The following GABRR3 variants were observed in gnomAD, a reference collection of about 807,000 sequenced individuals.
GABRR3 encodes the protein gamma-aminobutyric acid type A receptor subunit rho3, also known as gamma-aminobutyric acid receptor subunit rho-3.
GABRR3 carries 29 observed loss-of-function variants against 43.2 expected under a neutral mutation model. The observed-to-expected ratio is 0.67, with a 90% CI of 0.50 to 0.92. GABRR3 has a LOEUF of 0.92. Ranked by LOEUF, GABRR3 falls within the 40% of genes least tolerant of loss-of-function variation. The pLI is 0.00. For missense variants in GABRR3, 576 were observed against 572.3 expected, an observed-to-expected ratio of 1.01 and a Z score of -0.07; for synonymous variants, 206 against 195.9, an observed-to-expected ratio of 1.05 and a Z score of -0.43.
intron 2 of GABRR3, among the ~76,000 whole-genome samples, chr3:98,028,166 C>T (rs1707046045): frequency 1.3e-5 from 2 of 152,090 alleles, no homozygotes; most frequent in South Asian, 4.1e-4. Flanking sequence ...GATTCACTTT[C>T]TCCAATTATT....
exon 8 of GABRR3, chr3:98,001,616 C>T: frequency 6.2e-7 from 1 of 1,612,778 alleles, no homozygotes; most frequent in South Asian, 1.1e-5. Flanking sequence ...AAGATTTACC[C>T]AGGGAAACTC....
intron 9 of GABRR3, among the ~76,000 whole-genome samples, chr3:97,987,358 G>A (rs1358031930): frequency 1.3e-5 from 2 of 152,110 alleles, no homozygotes; most frequent in Non-Finnish European, 2.9e-5. Context: ...TTTTTCTGAA[G>A]GAGCAAATTA....
At chr3:98,026,617 A>ATTAGCATCATCATCG (rs1707021741) in intron 2 of GABRR3, among the ~76,000 whole-genome samples, 1 of 151,278 alleles carries the variant, frequency 6.6e-6, no homozygotes, top group African/African-American at 2.4e-5. Flanking sequence ...CATCATCATC[A>ATTAGCATCATCATCG]TCATCATCAT....
chr3:98,007,923 A>T lies in GABRR3; in HGVS notation c.614-19T>A. On this transcript the variant is annotated intron_variant, in intron 6 of 9. Transcript: ENST00000621172. ...TAGGCATCTAAAACATGAAAATATCAGTCTTGTAAGTGTAATAAGCTCTTG... is the reference window on the plus strand; with the variant it reads ...TAGGCATCTAAAACATGAAAATATCTGTCTTGTAAGTGTAATAAGCTCTTG... 1.3e-6 allele frequency: 2 copies of T among 1,537,306 alleles called. No homozygotes were observed. The highest frequency in any genetic ancestry group is 2.1e-5 in the Admixed American group (1 of 46,756).
downstream of GABRR3, among the ~76,000 whole-genome samples, chr3:97,985,440 T>G (rs1385326346): frequency 1.3e-5 from 2 of 152,212 alleles, no homozygotes; most frequent in Admixed American, 1.3e-4. Flanking sequence ...AGAGTCCACA[T>G]CCCTTTGGAG....
At chr3:97,990,249 G>T (rs1706446125) in intron 9 of GABRR3, among the ~76,000 whole-genome samples, 1 of 152,104 alleles carries the variant, frequency 6.6e-6, no homozygotes, top group Admixed American at 6.5e-5. Context: ...ACATGGGGAA[G>T]AAATGACACC....
At chr3:98,006,842 T>C (rs1706728736) in intron 7 of GABRR3, among the ~76,000 whole-genome samples, 1 of 152,184 alleles carries the variant, frequency 6.6e-6, no homozygotes, top group African/African-American at 2.4e-5. Flanking sequence ...CACATATAAC[T>C]TTAAAAGGTG....
At chr3:98,026,828 G>A (rs1707024896) in intron 2 of GABRR3, among the ~76,000 whole-genome samples, 1 of 152,094 alleles carries the variant, frequency 6.6e-6, no homozygotes, top group Non-Finnish European at 1.5e-5. Context: ...TGACTTCGAT[G>A]GGGAGAATTT....
intron 2 of GABRR3, 94 bp downstream of exon 2, chr3:98,034,769 A>C: frequency 2.7e-6 from 4 of 1,456,068 alleles, no homozygotes; most frequent in Non-Finnish European, 3.8e-6. Context: ...ATGTGCTACC[A>C]TTAAAGATAC....
chr3:97,998,192 C>A (rs899987666), intron 8 of GABRR3: 1 of 152,084 alleles, frequency 6.6e-6, no homozygotes, highest in African/African-American at 2.4e-5. Context: ...AGTAACTGGC[C>A]TAACATGATG....
At chr3:98,012,704 T>C in intron 4 of GABRR3, 137 bp from the exon 5 acceptor site, 1 of 624,886 alleles carries the variant, frequency 1.6e-6, no homozygotes, top group Non-Finnish European at 2.8e-6. Context: ...TAGTTTCAAG[T>C]AGATCTAGGA....
intron 8 of GABRR3, chr3:98,001,266 G>A (rs1489252223): frequency 4.7e-6 from 1 of 212,052 alleles, no homozygotes; most frequent in Non-Finnish European, 9.6e-6. Flanking sequence ...GTCCTGAAAA[G>A]CTAAATGGAC....
chr3:98,014,858 GTC>G (rs1235006277), intron 4 of GABRR3, among the ~76,000 whole-genome samples: 2 of 151,946 alleles, frequency 1.3e-5, no homozygotes, highest in Non-Finnish European at 2.9e-5. Flanking sequence ...TGTTCACTTT[GTC>G]TCTCTCTTTT....
At chr3:98,002,563 T>C (rs116833756) in intron 7 of GABRR3, among the ~76,000 whole-genome samples, 4 of 152,272 alleles carry the variant, frequency 2.6e-5, no homozygotes, top group Non-Finnish European at 5.9e-5. Context: ...ATATATATAA[T>C]ACCTTATCCT....
intron 3 of GABRR3, among the ~76,000 whole-genome samples, chr3:98,023,718 T>C (rs540138663): frequency 6.6e-6 from 1 of 152,308 alleles, no homozygotes; most frequent in East Asian, 1.9e-4. Context: ...CTGCTTCATC[T>C]CAAGGCTTCT....
chr3:97,990,062 G>A (rs1433272390), intron 9 of GABRR3, among the ~76,000 whole-genome samples: 2 of 152,042 alleles, frequency 1.3e-5, no homozygotes, highest in African/African-American at 2.4e-5. Context: ...TTTCTTCCAA[G>A]GCATCTCATC....
At chr3:98,034,357 T>C (rs539208565) in intron 2 of GABRR3, among the ~76,000 whole-genome samples, 2 of 152,320 alleles carry the variant, frequency 1.3e-5, no homozygotes, top group Non-Finnish European at 2.9e-5. Flanking sequence ...ATAATGATGA[T>C]GTCTTGATAT....
In GABRR3 at chr3:98,007,039, G is replaced by A. The variant is rs542705716; in HGVS notation, c.754+725C>T. ...CCAGGTGCTGCAGAAGAAATGGTGA[G>A]CAAGGCAGACAGATTCCCCACCCTT... On this transcript the variant is annotated intron_variant, in intron 7 of 9. Coordinates refer to ENST00000621172, the Ensembl canonical transcript of GABRR3. Among the ~76,000 whole-genome samples, 5 of 152,250 alleles carry A rather than the reference G, an allele frequency of 3.3e-5. No individual in the cohort carries two copies. The South Asian group carries it at 1.0e-3, about 32-fold the overall frequency.
intron 6 of GABRR3, among the ~76,000 whole-genome samples, chr3:98,008,378 C>T (rs748507467): frequency 4.7e-4 from 72 of 152,268 alleles, no homozygotes; most frequent in Non-Finnish European, 8.4e-4. Context: ...GGAGTTAGGG[C>T]GGAGCATCTG....
Sources: allele counts gnomAD v4.1 joint callset (sites outside exome capture counted in the v4.1 genomes callset), GRCh38; gene constraint gnomAD v4.1.1; transcripts MANE v1.5; gene names NCBI Gene and HGNC (gene_info 2026-07-23, HGNC 2026-07-21).